Variants in CDH12 observed in about 807,000 individuals in gnomAD.
The protein encoded by CDH12 is cadherin-12.
CDH12 carries 41 observed loss-of-function variants against 74.1 expected under a neutral mutation model. That is an observed-to-expected ratio of 0.55 (90% CI 0.43 to 0.72). The LOEUF is 0.72. Among genes scored for constraint, CDH12 ranks in the 30% least tolerant of loss-of-function variants. The pLI is 0.00. For missense variants in CDH12, 945 were observed against 977.2 expected, an observed-to-expected ratio of 0.97 and a Z score of 0.44; for synonymous variants, 399 against 355.0, an observed-to-expected ratio of 1.12 and a Z score of -1.39.
intron 6 of CDH12, among the ~76,000 whole-genome samples, chr5:21,910,730 G>A (rs1302596270): frequency 6.6e-6 from 1 of 151,360 alleles, no homozygotes; most frequent in Non-Finnish European, 1.5e-5. Flanking sequence ...TGCTGGGCAG[G>A]CCAAAACACA....
At chr5:22,361,655 T>A (rs2150474645) in intron 3 of CDH12, among the ~76,000 whole-genome samples, 1 of 152,002 alleles carries the variant, frequency 6.6e-6, no homozygotes, top group East Asian at 1.9e-4. Flanking sequence ...AAATTGGAGG[T>A]ATCATGCTAC....
At chr5:22,349,327 G>A (rs1740257367) in intron 3 of CDH12, among the ~76,000 whole-genome samples, 1 of 152,150 alleles carries the variant, frequency 6.6e-6, no homozygotes, top group African/African-American at 2.4e-5. Context: ...CAGGATAAAA[G>A]CATGATAATC....
intron 2 of CDH12, among the ~76,000 whole-genome samples, chr5:22,452,520 G>A (rs1037788148): frequency 6.6e-6 from 1 of 151,842 alleles, no homozygotes; most frequent in Non-Finnish European, 1.5e-5. Flanking sequence ...TTATCCACAT[G>A]CGGAAGAATG....
chr5:21,863,470 A>G (rs1036864024), intron 6 of CDH12, among the ~76,000 whole-genome samples: 2 of 152,186 alleles, frequency 1.3e-5, no homozygotes, highest in Admixed American at 6.6e-5. Flanking sequence ...CAGCCTTATC[A>G]TATTTATCTT....
chr5:22,793,737 C>A (rs1239172909), intron 1 of CDH12, among the ~76,000 whole-genome samples: 1 of 151,198 alleles, frequency 6.6e-6, no homozygotes, highest in African/African-American at 2.4e-5. Flanking sequence ...TCATCATGTG[C>A]CCGCACTCTT....
chr5:21,871,799 G>C (rs1751637617), intron 6 of CDH12, among the ~76,000 whole-genome samples: 1 of 151,974 alleles, frequency 6.6e-6, no homozygotes, highest in Admixed American at 6.6e-5. Context: ...CACGTGTAGG[G>C]TATGACTTCC....
chr5:21,924,530 A>T (rs558528657), intron 6 of CDH12, among the ~76,000 whole-genome samples: 4 of 76,144 alleles, frequency 5.3e-5, no homozygotes, highest in Admixed American at 1.5e-4. Context: ...AAATAAATAC[A>T]TGAATACATA....
intron 1 of CDH12, among the ~76,000 whole-genome samples, chr5:22,628,649 A>G (rs1161082236): frequency 6.6e-6 from 1 of 152,182 alleles, no homozygotes; most frequent in Non-Finnish European, 1.5e-5. Flanking sequence ...TAAAGTTAGA[A>G]AGATCTCAAA....
intron 1 of CDH12, among the ~76,000 whole-genome samples, chr5:22,755,964 A>C (rs1745877051): frequency 6.6e-6 from 1 of 151,942 alleles, no homozygotes; most frequent in South Asian, 2.1e-4. Flanking sequence ...TTATAATTTT[A>C]TTTATTGACC....
chr5:22,376,429 T>C (rs1231230690), intron 3 of CDH12, among the ~76,000 whole-genome samples: 2 of 152,176 alleles, frequency 1.3e-5, no homozygotes, highest in African/African-American at 2.4e-5. Flanking sequence ...TAATGTATAT[T>C]TCAAAGTAGC....
At chr5:22,562,277 A>G (rs1228795182) in intron 1 of CDH12, among the ~76,000 whole-genome samples, 1 of 152,168 alleles carries the variant, frequency 6.6e-6, no homozygotes, top group Non-Finnish European at 1.5e-5. Context: ...AGATCCCGCC[A>G]CTGCACTCCA....
chr5:22,753,234 T>A (rs1580962898), intron 1 of CDH12, among the ~76,000 whole-genome samples: 1 of 151,408 alleles, frequency 6.6e-6, no homozygotes, highest in Non-Finnish European at 1.5e-5. Context: ...ATATATTGAG[T>A]GAGGTAGAAG....
intron 1 of CDH12, among the ~76,000 whole-genome samples, chr5:22,634,908 G>A (rs1289904992): frequency 6.6e-6 from 1 of 151,224 alleles, no homozygotes; most frequent in African/African-American, 2.4e-5. Context: ...ATTTGTTATT[G>A]TTAAGATGAC....
At chr5:21,839,749 T>C (rs537815482) in intron 8 of CDH12, among the ~76,000 whole-genome samples, 1 of 152,200 alleles carries the variant, frequency 6.6e-6, no homozygotes, top group South Asian at 2.1e-4. Context: ...AAAAACTGTG[T>C]TTTTTTGACT....
chr5:22,178,977 G>T (rs1390888491), intron 4 of CDH12, among the ~76,000 whole-genome samples: 9 of 152,218 alleles, frequency 5.9e-5, no homozygotes, highest in African/African-American at 2.2e-4. Flanking sequence ...GGACTCAAGT[G>T]GGTCTGAGTT....
Position 22,609,212 on chromosome 5 carries a change from C to A in CDH12, c.-522-103848G>T, listed in dbSNP as rs555105689. Among the ~76,000 whole-genome samples the A allele has an allele frequency of 2.6e-5, 4 of 152,192 alleles. No individual in the cohort carries two copies. In the East Asian group the frequency reaches 5.8e-4, roughly 22 times the overall value. On this transcript the variant is annotated intron_variant, in intron 1 of 14. Coordinates refer to ENST00000382254, the MANE Select transcript of CDH12 (RefSeq NM_004061.5). ...ATCTCAGTAAGGAATGCAATGGAAC[C>A]CAATGTAATCCAGGCCCTCTCAACT...
At chr5:22,624,242 T>C (rs1410984067) in intron 1 of CDH12, among the ~76,000 whole-genome samples, 1 of 152,184 alleles carries the variant, frequency 6.6e-6, no homozygotes, top group African/African-American at 2.4e-5. Flanking sequence ...ATTCAGGACG[T>C]AGGCATGGGC....
At chr5:22,586,832 G>A (rs1403224786) in intron 1 of CDH12, among the ~76,000 whole-genome samples, 1 of 142,286 alleles carries the variant, frequency 7.0e-6, no homozygotes, top group Non-Finnish European at 1.5e-5. Flanking sequence ...AGAGTTTAGA[G>A]GAGGATTTTT....
At chr5:22,569,699 C>T (rs1739453151) in intron 1 of CDH12, among the ~76,000 whole-genome samples, 1 of 152,134 alleles carries the variant, frequency 6.6e-6, no homozygotes, top group African/African-American at 2.4e-5. Flanking sequence ...ACTCCTCATC[C>T]ATTAAAGTTT....
Sources: allele counts gnomAD v4.1 joint callset (sites outside exome capture counted in the v4.1 genomes callset), GRCh38; gene constraint gnomAD v4.1.1; transcripts MANE v1.5; gene names NCBI Gene and HGNC (gene_info 2026-07-23, HGNC 2026-07-21).